PSMD12: variants seen among roughly 807,000 people sequenced by gnomAD.
PSMD12 encodes 26S proteasome non-ATPase regulatory subunit 12.
In PSMD12, 8 loss-of-function variants were observed where a neutral mutation model predicts 62.9. The ratio of observed to expected loss-of-function variants is 0.13; its 90% CI spans 0.07 to 0.23. PSMD12 has a LOEUF of 0.23. PSMD12 is among the 10% of genes least tolerant of loss of function. PSMD12 has a pLI of 1.00. For missense variants in PSMD12, 424 were observed against 550.2 expected, an observed-to-expected ratio of 0.77 and a Z score of 2.29; for synonymous variants, 173 against 187.4, an observed-to-expected ratio of 0.92 and a Z score of 0.63.
rs1324877809 is a variant in PSMD12 at position 67,347,231 on chromosome 17, T to C, written c.680A>G (p.Tyr227Cys). 6 of 1,613,526 alleles carry C rather than the reference T, an allele frequency of 3.7e-6. No individual in the cohort carries two copies. The highest frequency in any genetic ancestry group is 1.7e-5 in the Admixed American group (1 of 59,908). Residue 227 changes from tyrosine (Y) to cysteine (C), a missense_variant, in exon 7 of 11, where the codon TAT (tyrosine) becomes TGT (cysteine). Physicochemically the swap from Tyr to Cys is radical, Grantham distance 194. Transcript: ENST00000356126. ...ENTEKLKLKY[Y>C]NLMIQLDQHE... ...TTGATCCAGCTGAATCATTAAATTA[T>C]AGTACTTCAACTTTAATTTCTGCAA...
intron 10 of PSMD12, 113 bp from the exon 11 acceptor site, chr17:67,341,165 T>C: frequency 2.5e-6 from 2 of 809,794 alleles, no homozygotes; most frequent in East Asian, 3.0e-5. Context: ...GGGGAATTCA[T>C]TCTTAAGAGT....
chr17:67,347,047 T>C (rs1289379678), intron 7 of PSMD12, 69 bp downstream of exon 7: 2 of 1,469,708 alleles, frequency 1.4e-6, no homozygotes, highest in African/African-American at 1.4e-5. Context: ...TTAAAAAGAT[T>C]TGAAAATAAA....
chr17:67,350,478 G>A (rs539276119), intron 3 of PSMD12, 142 bp from the exon 4 acceptor site: 7 of 525,514 alleles, frequency 1.3e-5, no homozygotes, highest in South Asian at 1.3e-4. Flanking sequence ...ACATCACATC[G>A]AAATCTCACT....
At chr17:67,348,783 A>C in intron 4 of PSMD12, 129 bp from the exon 5 acceptor site, 1 of 705,830 alleles carries the variant, frequency 1.4e-6, no homozygotes, top group Non-Finnish European at 2.3e-6. Flanking sequence ...GGATCGCTTG[A>C]GTCCAGGAGT....
chr17:67,340,946 T>C lies in PSMD12; in HGVS notation c.1268A>G (p.Asn423Ser). 6.3e-7 allele frequency: 1 copy of C among 1,586,944 alleles called. No homozygotes were observed. The highest frequency in any genetic ancestry group is 1.2e-5 in the South Asian group (1 of 85,388). Residue 423 changes from asparagine to serine, a missense_variant, in exon 11 of 11, where the codon AAT becomes AGT. By Grantham distance (46) the Asn-to-Ser change is conservative. Coordinates refer to ENST00000356126, the MANE Select transcript of PSMD12 (RefSeq NM_002816.5). ...TTTCTGAGACCAGTCATTTAATAAA[T>C]TATTTGGATCCTTGGGTCTCTGGAA... is the stretch of plus-strand genomic sequence containing the variant. ...INFQRPKDPN[N>S]LLNDWSQKLN...
chr17:67,351,381 G>C lies in PSMD12; in HGVS notation c.298-1045C>G, dbSNP rs1333666660. Among the ~76,000 whole-genome samples the C allele has an allele frequency of 3.9e-5, 4 of 101,706 alleles. No homozygotes were observed. In the East Asian group the frequency reaches 1.0e-3, roughly 26 times the overall value. 66.7% of individuals were successfully genotyped at this position (101,706 alleles called of 152,430 possible). On this transcript the variant is annotated intron_variant, in intron 3 of 10. Transcript: ENST00000356126. ...CACTTCAGCCTGGGAGACAGATCGA[G>C]ACTTGTCTCAAAATAATAATAATAA... is the stretch of plus-strand genomic sequence containing the variant.
intron 3 of PSMD12, among the ~76,000 whole-genome samples, chr17:67,353,364 G>C (rs2042036765): frequency 6.7e-6 from 1 of 149,624 alleles, no homozygotes. Context: ...GCCCAGGCTA[G>C]AGTGCGATCT....
At chr17:67,357,932 T>A (rs982784465) in intron 1 of PSMD12, among the ~76,000 whole-genome samples, 1 of 151,928 alleles carries the variant, frequency 6.6e-6, no homozygotes, top group Non-Finnish European at 1.5e-5. Flanking sequence ...CTTGTTCTTT[T>A]TTTTTTTGAG....
chr17:67,348,755 T>C, intron 4 of PSMD12, 101 bp from the exon 5 acceptor site: 2 of 987,818 alleles, frequency 2.0e-6, no homozygotes, highest in Non-Finnish European at 3.0e-6. Flanking sequence ...CCTGACATTT[T>C]GGAAGGCTGA....
chr17:67,358,567 CAAAAAAAAAAA>C (rs398039153), intron 1 of PSMD12, among the ~76,000 whole-genome samples: 2 of 74,076 alleles, frequency 2.7e-5, no homozygotes, highest in African/African-American at 1.1e-4. Flanking sequence ...GAACCTGTCT[CAAAAAAAAAAA>C]AAAAAAAAGA....
In PSMD12 at chr17:67,350,308, C is replaced by T; in HGVS notation, c.326G>A (p.Cys109Tyr). ...QAVAKMVQQC[C>Y]TYVEEITDLP... ...GTCTGTGATTTCCTCAACATAAGTA[C>T]AGCACTGTTGAACCATTTTGGCAAC... Residue 109 changes from cysteine (C) to tyrosine (Y), a missense_variant, in exon 4 of 11, where the codon TGT (cysteine) becomes TAT (tyrosine). Transcript: ENST00000356126. The T allele has an allele frequency of 1.2e-6, 2 of 1,611,758 alleles. No homozygotes were observed. The highest frequency in any genetic ancestry group is 1.7e-6 in the Non-Finnish European group (2 of 1,179,024).
chr17:67,357,274 G>T (rs1383637316), intron 3 of PSMD12, 29 bp downstream of exon 3: 1 of 1,588,570 alleles, frequency 6.3e-7, no homozygotes, highest in Admixed American at 1.9e-5. Context: ...ATGCTTTTGT[G>T]TTTGGAGCAG....
Position 67,366,405 on chromosome 17 carries a change from T to TC in PSMD12, c.108+6dup. The TC allele has an allele frequency of 6.2e-7, 1 of 1,608,564 alleles. No individual in the cohort carries two copies. The highest frequency in any genetic ancestry group is 8.5e-7 in the Non-Finnish European group (1 of 1,176,672). On this transcript the variant is annotated splice_region_variant and intron_variant, in intron 1 of 10. Coordinates refer to ENST00000356126, the MANE Select transcript of PSMD12 (RefSeq NM_002816.5). The stretch of plus-strand genomic sequence containing the variant: ...CGCCCGCCAACAGCCAGCCGGCCTC[T>TC]CCTCACCTTGGCTAGCTTCGCACAC...
At chr17:67,343,014 A>G (rs937499184) in intron 9 of PSMD12, among the ~76,000 whole-genome samples, 1 of 152,054 alleles carries the variant, frequency 6.6e-6, no homozygotes, top group African/African-American at 2.4e-5. Context: ...ACTTAAAGAT[A>G]GCTTCAAATT....
At chr17:67,350,945 A>G (rs2143704719) in intron 3 of PSMD12, among the ~76,000 whole-genome samples, 1 of 152,338 alleles carries the variant, frequency 6.6e-6, no homozygotes, top group African/African-American at 2.4e-5. Flanking sequence ...CTCTGTGGCA[A>G]CTATTCAACT....
chr17:67,342,139 A>G (rs1230092832), intron 10 of PSMD12, 47 bp downstream of exon 10: 2 of 1,323,840 alleles, frequency 1.5e-6, no homozygotes, highest in Non-Finnish European at 2.1e-6. Context: ...ACAAGTCAAC[A>G]TTCAAAAGGA....
intron 3 of PSMD12, chr17:67,357,068 T>G: frequency 2.6e-6 from 1 of 382,620 alleles, no homozygotes; most frequent in Non-Finnish European, 4.6e-6. Context: ...AGAACAAAGC[T>G]GTATGAACAC....
At chr17:67,349,674 A>C (rs940110758) in intron 4 of PSMD12, among the ~76,000 whole-genome samples, 132 of 152,216 alleles carry the variant, frequency 8.7e-4, no homozygotes, top group Admixed American at 8.6e-3. Context: ...AAAAATATCT[A>C]ATTTTGCTAG....
chr17:67,346,239 C>T (rs1056106223), intron 7 of PSMD12, among the ~76,000 whole-genome samples: 2 of 151,384 alleles, frequency 1.3e-5, no homozygotes, highest in Non-Finnish European at 2.9e-5. Context: ...CTAAAAAATA[C>T]AAAAAATTGG....
Sources: gnomAD v4.1 joint callset for allele counts (sites outside exome capture counted in the v4.1 genomes callset) on GRCh38, gnomAD v4.1.1 for gene constraint, MANE v1.5 for transcripts, NCBI Gene and HGNC (gene_info 2026-07-23, HGNC 2026-07-21) for gene names.